GLIS3: variants seen among roughly 807,000 people sequenced by gnomAD.
GLIS3 encodes the protein zinc finger protein GLIS3.
A neutral mutation model predicts 78.6 loss-of-function variants in GLIS3; 53 were observed. The ratio of observed to expected loss-of-function variants is 0.67; its 90% CI spans 0.54 to 0.85. The LOEUF (loss-of-function observed/expected upper bound fraction) is 0.85, where lower values mean the gene tolerates loss of function less well. Among genes scored for constraint, GLIS3 ranks in the 40% least tolerant of loss-of-function variants. The pLI, the probability that GLIS3 is intolerant of heterozygous loss-of-function variation, is 0.00. For missense variants in GLIS3, 1,703 were observed against 1,231.1 expected, an observed-to-expected ratio of 1.38 and a Z score of -5.74; for synonymous variants, 684 against 509.9, an observed-to-expected ratio of 1.34 and a Z score of -4.60.
the GLIS3 span, among the ~76,000 whole-genome samples, chr9:4,377,387 T>C: frequency 2.2e-5 from 3 of 135,832 alleles, no homozygotes; most frequent in African/African-American, 7.7e-5. Flanking sequence ...CTTTGGCTTT[T>C]GGAATCTTGG....
At chr9:4,249,221 C>T (rs562712643) in intron 2 of GLIS3, among the ~76,000 whole-genome samples, 1 of 152,258 alleles carries the variant, frequency 6.6e-6, no homozygotes, top group East Asian at 1.9e-4. Context: ...GTAGTATGGC[C>T]ATCTTCAAGA....
chr9:4,317,729 G>A (rs1470491521), intron 2 of GLIS3, among the ~76,000 whole-genome samples: 3 of 152,152 alleles, frequency 2.0e-5, no homozygotes, highest in South Asian at 2.1e-4. Flanking sequence ...CATTATTCAA[G>A]TTCCTACTAT....
At chr9:4,192,889 G>C (rs1034324583) in intron 2 of GLIS3, among the ~76,000 whole-genome samples, 6 of 152,188 alleles carry the variant, frequency 3.9e-5, no homozygotes, top group East Asian at 3.8e-4. Context: ...ACTCCAGGAA[G>C]GGAGGTCAAG....
At chr9:3,957,487 G>C (rs1817207490) in intron 4 of GLIS3, among the ~76,000 whole-genome samples, 1 of 152,162 alleles carries the variant, frequency 6.6e-6, no homozygotes, top group Admixed American at 6.5e-5. Context: ...GATGGGATTT[G>C]CATATTGCAG....
chr9:4,383,137 G>C, the GLIS3 span, among the ~76,000 whole-genome samples: 2 of 152,226 alleles, frequency 1.3e-5, no homozygotes, highest in Non-Finnish European at 1.5e-5. Context: ...GAGAAAGCAA[G>C]AACTGAAACG....
intron 4 of GLIS3, among the ~76,000 whole-genome samples, chr9:4,087,698 G>C (rs1032577517): frequency 6.6e-6 from 1 of 152,040 alleles, no homozygotes; most frequent in African/African-American, 2.4e-5. Flanking sequence ...AATTCATATC[G>C]GTGAAAAAAT....
At chr9:4,378,387 T>A in the GLIS3 span, among the ~76,000 whole-genome samples, 2 of 152,144 alleles carry the variant, frequency 1.3e-5, no homozygotes, top group Non-Finnish European at 2.9e-5. Flanking sequence ...ATATTCACTG[T>A]TTCTCCAAAA....
chr9:4,081,058 G>A lies in GLIS3; in HGVS notation c.1710+36710C>T, dbSNP rs868555968. Reference sequence around the variant, plus strand: ...GCTTGTCCTTGATTACGGCAGTAGAGGGTAGAATCTGCCCCAGAACTGTTT... The same window carrying A: ...GCTTGTCCTTGATTACGGCAGTAGAAGGTAGAATCTGCCCCAGAACTGTTT... On this transcript the variant is annotated intron_variant, in intron 4 of 10. Transcript: ENST00000381971. Among the ~76,000 whole-genome samples, 24 of 152,314 alleles carry A rather than the reference G, an allele frequency of 1.6e-4. 1 individual carries two copies. The Middle Eastern group carries it at 0.01, about 65-fold the overall frequency.
intron 4 of GLIS3, among the ~76,000 whole-genome samples, chr9:4,114,304 T>G (rs1327641776): frequency 2.6e-5 from 4 of 152,148 alleles, no homozygotes; most frequent in African/African-American, 9.7e-5. Flanking sequence ...GTTCTCAGGG[T>G]GCACTCTGTT....
chr9:3,925,704 TAAAC>T (rs1448622696), intron 6 of GLIS3, among the ~76,000 whole-genome samples: 3 of 152,164 alleles, frequency 2.0e-5, no homozygotes, highest in African/African-American at 7.2e-5. Context: ...ACCTTGAACT[TAAAC>T]AATTGGGAAA....
At chr9:4,383,399 T>C in the GLIS3 span, among the ~76,000 whole-genome samples, 1 of 152,236 alleles carries the variant, frequency 6.6e-6, no homozygotes, top group African/African-American at 2.4e-5. Context: ...CTTAAATTAT[T>C]CTTGATTCAT....
Position 3,983,588 on chromosome 9 carries a change from T to C in GLIS3, c.1711-46399A>G, listed in dbSNP as rs571699781. On this transcript the variant is annotated intron_variant, in intron 4 of 10. Coordinates refer to ENST00000381971, the MANE Select transcript of GLIS3 (RefSeq NM_001042413.2). ...AAAATGCTGAGAGTGGTGTGGATAATAAAGTCCAGGCTGAGGTGGTCTCAG... is the reference window on the plus strand; with the variant it reads ...AAAATGCTGAGAGTGGTGTGGATAACAAAGTCCAGGCTGAGGTGGTCTCAG... Among the ~76,000 whole-genome samples the C allele has an allele frequency of 3.3e-5, 5 of 152,260 alleles. No homozygotes were observed. The Middle Eastern group carries it at 0.01, about 311-fold the overall frequency.
chr9:4,086,470 A>G (rs957743371), intron 4 of GLIS3, among the ~76,000 whole-genome samples: 1 of 152,208 alleles, frequency 6.6e-6, no homozygotes, highest in African/African-American at 2.4e-5. Flanking sequence ...ACGACCTAAC[A>G]CAGCACCTGG....
intron 2 of GLIS3, among the ~76,000 whole-genome samples, chr9:4,247,914 T>C (rs1388089271): frequency 1.3e-5 from 2 of 152,288 alleles, no homozygotes; most frequent in East Asian, 3.9e-4. Flanking sequence ...CATTTGAAAT[T>C]ACTCTCAGTT....
At chr9:4,400,359 TTTATGAAG>T in the GLIS3 span, among the ~76,000 whole-genome samples, 616 of 152,158 alleles carry the variant, frequency 4.0e-3, 1 homozygote, top group African/African-American at 0.014. Context: ...GGTAGAGCTC[TTTATGAAG>T]TTGTAAAAAT....
intron 2 of GLIS3, chr9:4,347,042 C>G (rs1201707499): frequency 1.3e-5 from 2 of 152,152 alleles, no homozygotes; most frequent in Non-Finnish European, 2.9e-5. Flanking sequence ...ATATCTAAGG[C>G]TAGGTAATTT....
chr9:4,338,711 C>T (rs1481290822), intron 2 of GLIS3, among the ~76,000 whole-genome samples: 1 of 152,116 alleles, frequency 6.6e-6, no homozygotes, highest in African/African-American at 2.4e-5. Flanking sequence ...AGATTGGTTC[C>T]TGTAGCCAGC....
rs71308889 is a variant in GLIS3 at position 3,934,410 on chromosome 9, A to ATTTTTTTT, written c.1873-1948_1873-1941dup. Reference sequence around the variant, plus strand: ...GGTTGGTAATGTCATTTTCTATTTGATTTTTTTTTTTTTTTTTGAGATGGA... The same window carrying ATTTTTTTT: ...GGTTGGTAATGTCATTTTCTATTTGATTTTTTTTTTTTTTTTTTTTTTTTTGAGATGGA... On this transcript the variant is annotated intron_variant, in intron 5 of 10. Coordinates refer to ENST00000381971, the MANE Select transcript of GLIS3 (RefSeq NM_001042413.2). Among the ~76,000 whole-genome samples, 2 of 138,480 alleles carry ATTTTTTTT rather than the reference A, an allele frequency of 1.4e-5. 1 individual carries two copies. The highest frequency in any genetic ancestry group is 5.3e-5 in the African/African-American group (2 of 37,752). The allele number at this position is 138,480 out of a possible 152,430, so 90.8% of individuals were successfully genotyped here. A position where few individuals can be genotyped will look rare whatever the true frequency, so the allele number is the denominator to read the frequency against.
intron 2 of GLIS3, among the ~76,000 whole-genome samples, chr9:4,171,443 C>A (rs934812638): frequency 1.1e-4 from 17 of 152,130 alleles, no homozygotes; most frequent in African/African-American, 4.1e-4. Flanking sequence ...TGTCTTTGGG[C>A]TTCCATTTTT....
Sources: gnomAD v4.1 joint callset for allele counts (sites outside exome capture counted in the v4.1 genomes callset) on GRCh38, gnomAD v4.1.1 for gene constraint, MANE v1.5 for transcripts, NCBI Gene and HGNC (gene_info 2026-07-23, HGNC 2026-07-21) for gene names.